ABLIM2: variants seen among roughly 807,000 people sequenced by gnomAD.
ABLIM2 encodes the protein actin-binding LIM protein 2.
A neutral mutation model predicts 97.7 loss-of-function variants in ABLIM2; 53 were observed. That is an observed-to-expected ratio of 0.54 (90% CI 0.44 to 0.68). The LOEUF is 0.68. ABLIM2 is among the 30% of genes least tolerant of loss of function. The probability of loss-of-function intolerance (pLI) is 0.00; values close to 1 mark genes in which losing one functional copy is unlikely to be tolerated. For synonymous variants in ABLIM2, 361 were observed against 345.8 expected, an observed-to-expected ratio of 1.04 and a Z score of -0.49; for missense variants, 835 against 867.2, an observed-to-expected ratio of 0.96 and a Z score of 0.47.
intron 9 of ABLIM2, among the ~76,000 whole-genome samples, chr4:8,039,547 G>T: frequency 6.6e-6 from 1 of 152,142 alleles, no homozygotes; most frequent in East Asian, 1.9e-4. Context: ...AAGGTCTCTG[G>T]AGTGTGTGTA....
chr4:8,036,788 A>G (rs887394908), intron 9 of ABLIM2, among the ~76,000 whole-genome samples: 3 of 152,204 alleles, frequency 2.0e-5, no homozygotes, highest in Admixed American at 6.5e-5. Context: ...GACTCAGTCC[A>G]TGGCTTAAAC....
chr4:8,057,042 A>C (rs763580020), intron 7 of ABLIM2, among the ~76,000 whole-genome samples: 25 of 145,288 alleles, frequency 1.7e-4, no homozygotes, highest in Admixed American at 1.2e-3. Context: ...TAAGAATTTT[A>C]TCTCTCTACT....
intron 10 of ABLIM2, 64 bp from the exon 11 acceptor site, chr4:8,029,840 C>A: frequency 1.3e-6 from 2 of 1,524,096 alleles, no homozygotes; most frequent in South Asian, 1.2e-5. Context: ...CTTGTCCACC[C>A]ATCCCCCGAC....
rs764122727 is a variant in ABLIM2, at chr4:8,113,025, C to T, written c.11-6388G>A. ...AGGGCATAGGCAGGGGGGCAAACTC[C>T]TCTTTCTGTCCAGCGAACCAGCTCT... On this transcript the variant is annotated intron_variant, in intron 1 of 20. Coordinates refer to ENST00000447017, the MANE Select transcript of ABLIM2 (RefSeq NM_001130083.2). This position sits in a 1 kb window ranked among gnomAD's most constrained non-coding sequence, Gnocchi z 4.5. 5.3e-5 allele frequency among the ~76,000 whole-genome samples: 8 copies of T among 152,236 alleles called. No homozygotes were observed. The highest frequency in any genetic ancestry group is 1.0e-4 in the Non-Finnish European group (7 of 68,048).
intron 10 of ABLIM2, among the ~76,000 whole-genome samples, chr4:8,035,148 C>A (rs1783824049): frequency 6.6e-6 from 1 of 151,842 alleles, no homozygotes; most frequent in East Asian, 1.9e-4. Context: ...TCAGCTCCCC[C>A]CACTGGTCCC....
rs778669029 is a variant in ABLIM2, at chr4:8,003,661, G to C, written c.1618+4398C>G. 6.6e-6 allele frequency among the ~76,000 whole-genome samples: 1 copy of C among 151,538 alleles called. No individual in the cohort carries two copies. The highest frequency in any genetic ancestry group is 2.4e-5 in the African/African-American group (1 of 41,176). ...GCTTACTGCAACCTCTGCCTCCTGG[G>C]ATCAAGTGATTCTCCTGCCTCAGCC... On this transcript the variant is annotated intron_variant, in intron 16 of 20. Transcript: ENST00000447017. This position sits in a 1 kb window ranked among gnomAD's most constrained non-coding sequence, Gnocchi z 4.2.
chr4:8,129,623 T>A (rs1342893189), intron 1 of ABLIM2, among the ~76,000 whole-genome samples: 1 of 152,178 alleles, frequency 6.6e-6, no homozygotes, highest in South Asian at 2.1e-4. Flanking sequence ...CACCACACTG[T>A]GCTGTCATCA....
chr4:8,124,316 A>G lies in ABLIM2; in HGVS notation c.11-17679T>C, dbSNP rs534474342. On this transcript the variant is annotated intron_variant, in intron 1 of 20. Coordinates refer to ENST00000447017, the MANE Select transcript of ABLIM2 (RefSeq NM_001130083.2). This position sits in a 1 kb window ranked among gnomAD's most constrained non-coding sequence, Gnocchi z 6.1. Reference sequence around the variant, plus strand: ...TTTGCCTGTTTGGAATGCACACTCAATGGCTTTTGGTATTTCACAGAGCTG... The same window carrying G: ...TTTGCCTGTTTGGAATGCACACTCAGTGGCTTTTGGTATTTCACAGAGCTG... Among the ~76,000 whole-genome samples the G allele has an allele frequency of 1.4e-4, 21 of 152,346 alleles. No individual in the cohort carries two copies. The highest frequency in any genetic ancestry group is 2.9e-4 in the Non-Finnish European group (20 of 68,030).
chr4:8,063,927 C>T (rs1392760595), intron 6 of ABLIM2, among the ~76,000 whole-genome samples: 1 of 152,208 alleles, frequency 6.6e-6, no homozygotes, highest in Non-Finnish European at 1.5e-5. Context: ...GAATAAGTTA[C>T]CTTCCTAGTC....
intron 17 of ABLIM2, chr4:7,989,492 AC>A (rs1428952338): frequency 1.1e-6 from 1 of 941,336 alleles, no homozygotes; most frequent in Non-Finnish European, 1.3e-6. Context: ...GAATGCTATA[AC>A]TGCTTTATTC....
In ABLIM2 at chr4:8,043,005, G is replaced by T. The variant is rs574530654; in HGVS notation, c.900+2159C>A. On this transcript the variant is annotated intron_variant, in intron 9 of 20. Coordinates refer to ENST00000447017, the MANE Select transcript of ABLIM2 (RefSeq NM_001130083.2). This position sits in a 1 kb window ranked among gnomAD's most constrained non-coding sequence, Gnocchi z 4.8. ...ATCTCAACAAAAAATACAAAAATTA[G>T]CCAGGTGTGATGGTGCATGCCTGTA... Among the ~76,000 whole-genome samples, 1 of 152,156 alleles carries T rather than the reference G, an allele frequency of 6.6e-6. No individual in the cohort carries two copies. Among genetic ancestry groups the T allele is most frequent in the African/African-American group, 2.4e-5 (1 of 41,508 alleles).
chr4:8,001,126 A>G lies in ABLIM2; in HGVS notation c.1618+6933T>C, dbSNP rs1235529711. Among the ~76,000 whole-genome samples, 3 of 152,098 alleles carry G rather than the reference A, an allele frequency of 2.0e-5. No individual in the cohort carries two copies. Among genetic ancestry groups the G allele is most frequent in the Non-Finnish European group, 4.4e-5 (3 of 68,004 alleles). Reference sequence around the variant, plus strand: ...GCCTTGGTGTGTCCATCTGAGGAAGACGGGCACCCCTCATCCCTGAGCAGC... The same window carrying G: ...GCCTTGGTGTGTCCATCTGAGGAAGGCGGGCACCCCTCATCCCTGAGCAGC... On this transcript the variant is annotated intron_variant, in intron 16 of 20. Transcript: ENST00000447017. This position sits in a 1 kb window ranked among gnomAD's most constrained non-coding sequence, Gnocchi z 4.2.
intron 9 of ABLIM2, among the ~76,000 whole-genome samples, chr4:8,039,312 C>T (rs992441570): frequency 2.0e-5 from 3 of 152,240 alleles, no homozygotes; most frequent in African/African-American, 7.2e-5. Context: ...TCCAGCCCCA[C>T]AGCATAGGGG....
At position 8,021,647 on chromosome 4, in the gene ABLIM2, C is replaced by T. The variant is rs192342700; in HGVS notation, c.1268-1344G>A. Among the ~76,000 whole-genome samples the T allele has an allele frequency of 2.3e-3, 352 of 152,324 alleles. No homozygotes were observed. Among genetic ancestry groups the T allele is most frequent in the Non-Finnish European group, 3.4e-3 (232 of 68,030 alleles). On this transcript the variant is annotated intron_variant, in intron 12 of 20. Transcript: ENST00000447017. The surrounding 1 kb of genome is among the most constrained non-coding windows in gnomAD (Gnocchi z 5.5). ...CTGGCCAGGGACCCCACAGTGGACT[C>T]GTGAGGAGGGCTCGACAGACACTGG...
rs770643035 is a variant in ABLIM2, at chr4:8,005,406, G to A, written c.1618+2653C>T. 3.7e-6 allele frequency: 2 copies of A among 533,646 alleles called. No individual in the cohort carries two copies. Among genetic ancestry groups the A allele is most frequent in the Non-Finnish European group, 7.7e-6 (2 of 259,952 alleles). The allele number at this position is 533,646 out of a possible 1,614,324, so 33.1% of individuals were successfully genotyped here. A position where few individuals can be genotyped will look rare whatever the true frequency, so the allele number is the denominator to read the frequency against. On this transcript the variant is annotated intron_variant, in intron 16 of 20. Coordinates refer to ENST00000447017, the MANE Select transcript of ABLIM2 (RefSeq NM_001130083.2). The surrounding 1 kb of genome is among the most constrained non-coding windows in gnomAD (Gnocchi z 4.9). ...TGGGTGTCACAATCCTACCTTCCTT[G>A]GGCGCGCTACAGATGGACGTCCCGG... is the stretch of plus-strand genomic sequence containing the variant.
At position 8,147,109 on chromosome 4, in the gene ABLIM2, G is replaced by A. The variant is rs1407724517; in HGVS notation, c.10+11571C>T. 2.0e-5 allele frequency among the ~76,000 whole-genome samples: 3 copies of A among 152,156 alleles called. No homozygotes were observed. Among genetic ancestry groups the A allele is most frequent in the East Asian group, 1.9e-4 (1 of 5,196 alleles). On this transcript the variant is annotated intron_variant, in intron 1 of 20. Transcript: ENST00000447017. The surrounding 1 kb of genome is among the most constrained non-coding windows in gnomAD (Gnocchi z 5.3). Reference sequence around the variant, plus strand: ...TCTTCAGAAGAGATTCCCAGAAGTCGCATTATTCCATCAAAAGGCATGAAT... The same window carrying A: ...TCTTCAGAAGAGATTCCCAGAAGTCACATTATTCCATCAAAAGGCATGAAT...
In ABLIM2 at chr4:8,009,040, C is replaced by T. The variant is rs753281403; in HGVS notation, c.1476+10G>A. On this transcript the variant is annotated intron_variant, in intron 15 of 20. Transcript: ENST00000447017. ...GGCTGTTCTCAGCCAGATCTGCTCC[C>T]TGGCATTACCTTCCTGTTATCCTGG... 16 of 1,613,910 alleles carry T rather than the reference C, an allele frequency of 9.9e-6. No homozygotes were observed. The highest frequency in any genetic ancestry group is 1.4e-5 in the Non-Finnish European group (16 of 1,179,902).
chr4:8,090,885 G>A (rs1826922776), intron 3 of ABLIM2, among the ~76,000 whole-genome samples: 1 of 151,982 alleles, frequency 6.6e-6, no homozygotes, highest in South Asian at 2.1e-4. Context: ...GCAACTGCTG[G>A]GGGCTTCTGG....
intron 6 of ABLIM2, among the ~76,000 whole-genome samples, chr4:8,065,662 G>A (rs960565728): frequency 7.9e-5 from 12 of 152,160 alleles, no homozygotes; most frequent in African/African-American, 2.9e-4. Flanking sequence ...AGTGGCTCAA[G>A]CCTGTAATCC....
Sources: allele counts gnomAD v4.1 joint callset (sites outside exome capture counted in the v4.1 genomes callset), GRCh38; gene constraint gnomAD v4.1.1; non-coding constraint Gnocchi (gnomAD v3.1); transcripts MANE v1.5; gene names NCBI Gene and HGNC (gene_info 2026-07-23, HGNC 2026-07-21).